Variants in WWC2 observed in about 807,000 individuals in gnomAD.
WWC2 encodes the protein WW and C2 domain containing 2.
A neutral mutation model predicts 138.5 loss-of-function variants in WWC2; 101 were observed. That is an observed-to-expected ratio of 0.73 (90% CI 0.62 to 0.86). The LOEUF is 0.86. WWC2 is among the 40% of genes least tolerant of loss of function. WWC2 has a pLI of 0.00. For synonymous variants in WWC2, 558 were observed against 538.4 expected, an observed-to-expected ratio of 1.04 and a Z score of -0.50; for missense variants, 1,420 against 1,419.4, an observed-to-expected ratio of 1.00 and a Z score of -0.01.
intron 1 of WWC2, among the ~76,000 whole-genome samples, chr4:183,114,254 A>G (rs1450406101): frequency 6.6e-6 from 1 of 152,048 alleles, no homozygotes; most frequent in Admixed American, 6.6e-5. Flanking sequence ...CTTCTACCTT[A>G]ATTGTAAGCT....
chr4:183,219,509 A>G (rs951871524), intron 4 of WWC2, among the ~76,000 whole-genome samples: 39 of 152,336 alleles, frequency 2.6e-4, no homozygotes, highest in African/African-American at 9.1e-4. Flanking sequence ...TTCAAATACA[A>G]GACTTTTTAA....
chr4:183,168,299 T>A (rs1734181354), intron 1 of WWC2, among the ~76,000 whole-genome samples: 1 of 151,896 alleles, frequency 6.6e-6, no homozygotes, highest in Admixed American at 6.6e-5. Context: ...CAATTAAGGA[T>A]CATTTAGATA....
intron 1 of WWC2, among the ~76,000 whole-genome samples, chr4:183,102,886 T>TA (rs1561414820): frequency 6.6e-6 from 1 of 151,096 alleles, no homozygotes; most frequent in Non-Finnish European, 1.5e-5. Flanking sequence ...TTTTTTTTTT[T>TA]AATTACATTC....
intron 1 of WWC2, among the ~76,000 whole-genome samples, chr4:183,124,436 C>G (rs1258232677): frequency 6.6e-6 from 1 of 151,510 alleles, no homozygotes; most frequent in Non-Finnish European, 1.5e-5. Flanking sequence ...TTAAAGTAAC[C>G]AGCTCTTGGA....
chr4:183,181,450 G>A (rs1212889943), intron 1 of WWC2, among the ~76,000 whole-genome samples: 2 of 152,170 alleles, frequency 1.3e-5, no homozygotes, highest in African/African-American at 2.4e-5. Flanking sequence ...GAGGTCTGCA[G>A]CTTAGGTTTC....
chr4:183,316,050 T>C lies in WWC2; in HGVS notation c.*321T>C. Reference sequence around the variant, plus strand: ...TAGAGGCAGTACCCCACATGTGTACTGTTGAGCCGGCTGTTGAGAAACAAC... The same window carrying C: ...TAGAGGCAGTACCCCACATGTGTACCGTTGAGCCGGCTGTTGAGAAACAAC... On this transcript the variant is annotated 3_prime_UTR_variant, in exon 23 of 23. Coordinates refer to ENST00000403733, the MANE Select transcript of WWC2 (RefSeq NM_024949.6). The C allele has an allele frequency of 4.6e-6, 1 of 216,640 alleles. No individual in the cohort carries two copies. The highest frequency in any genetic ancestry group is 9.3e-6 in the Non-Finnish European group (1 of 107,354). The allele number at this position is 216,640 out of a possible 1,614,324, so 13.4% of individuals were successfully genotyped here.
intron 1 of WWC2, among the ~76,000 whole-genome samples, chr4:183,150,592 C>T (rs1733609667): frequency 6.6e-6 from 1 of 152,124 alleles, no homozygotes; most frequent in Admixed American, 6.5e-5. Context: ...ATGTGCACAA[C>T]ATGCAGGGTT....
intron 16 of WWC2, among the ~76,000 whole-genome samples, chr4:183,275,108 A>G (rs573924386): frequency 1.3e-5 from 2 of 152,100 alleles, no homozygotes; most frequent in East Asian, 3.9e-4. Flanking sequence ...GCCACTGTGG[A>G]ACTGTTTTCT....
intron 5 of WWC2, among the ~76,000 whole-genome samples, chr4:183,241,776 G>A (rs780467084): frequency 5.9e-5 from 9 of 151,956 alleles, no homozygotes; most frequent in Admixed American, 2.6e-4. Context: ...GCAGGGCTTC[G>A]TGGTGGGGGT....
intron 1 of WWC2, among the ~76,000 whole-genome samples, chr4:183,161,319 T>C (rs1349935986): frequency 6.6e-6 from 1 of 152,200 alleles, no homozygotes; most frequent in Non-Finnish European, 1.5e-5. Flanking sequence ...ATTTGAGCTT[T>C]TAAGGCCTGT....
chr4:183,210,595 G>T (rs930645020), intron 4 of WWC2, among the ~76,000 whole-genome samples: 1 of 151,968 alleles, frequency 6.6e-6, no homozygotes, highest in Non-Finnish European at 1.5e-5. Flanking sequence ...TACAACCATG[G>T]CTCACTTAAC....
chr4:183,141,748 T>C (rs1488978198), intron 1 of WWC2, among the ~76,000 whole-genome samples: 2 of 152,238 alleles, frequency 1.3e-5, no homozygotes, highest in East Asian at 1.9e-4. Flanking sequence ...TATGTAGATA[T>C]ACAGTTCTGA....
intron 1 of WWC2, among the ~76,000 whole-genome samples, chr4:183,114,384 T>C (rs1732345330): frequency 2.0e-5 from 3 of 152,130 alleles, no homozygotes; most frequent in Admixed American, 2.0e-4. Context: ...TTCAGGTGCT[T>C]ATAGCAATGC....
chr4:183,270,931 CA>C (rs1390599497), intron 15 of WWC2, 148 bp from the exon 16 acceptor site: 1 of 667,544 alleles, frequency 1.5e-6, no homozygotes, highest in Admixed American at 4.0e-5. Context: ...TTAAAAAATC[CA>C]GCAATGCTTT....
At chr4:183,247,623 C>CTATATATACTATATATACTATATATACTA (rs1553971250) in intron 6 of WWC2, among the ~76,000 whole-genome samples, 3 of 126,978 alleles carry the variant, frequency 2.4e-5, no homozygotes, top group African/African-American at 9.8e-5. Flanking sequence ...ACTATATATA[C>CTATATATACTATATATACTATATATACTA]TATATACTAT....
chr4:183,130,104 A>G (rs963045443), intron 1 of WWC2, among the ~76,000 whole-genome samples: 2 of 150,524 alleles, frequency 1.3e-5, no homozygotes, highest in Non-Finnish European at 3.0e-5. Context: ...CCAGGGTGGA[A>G]TGCAGTGGCA....
At chr4:183,271,730 G>T (rs117767534) in intron 16 of WWC2, among the ~76,000 whole-genome samples, 1 of 152,154 alleles carries the variant, frequency 6.6e-6, no homozygotes, top group Non-Finnish European at 1.5e-5. Context: ...AAGGCCAGGC[G>T]TGGTGGCTCA....
chr4:183,306,900 A>G, intron 21 of WWC2, among the ~76,000 whole-genome samples: 1 of 151,848 alleles, frequency 6.6e-6, no homozygotes, highest in South Asian at 2.1e-4. Flanking sequence ...AAAAAAAACT[A>G]CAAGGAGAAG....
chr4:183,170,315 C>T (rs189341578), intron 1 of WWC2, among the ~76,000 whole-genome samples: 7 of 152,250 alleles, frequency 4.6e-5, no homozygotes, highest in African/African-American at 7.2e-5. Context: ...CACTGAGGCT[C>T]GAAGTGTATA....
Sources: gnomAD v4.1 joint callset for allele counts (sites outside exome capture counted in the v4.1 genomes callset) on GRCh38, gnomAD v4.1.1 for gene constraint, MANE v1.5 for transcripts, NCBI Gene and HGNC (gene_info 2026-07-23, HGNC 2026-07-21) for gene names.